The following PTDSS2 variants were observed in gnomAD, a reference collection of about 807,000 sequenced individuals.
PTDSS2 encodes the protein PSS-2.
In PTDSS2, 41 loss-of-function variants were observed where a neutral mutation model predicts 64.7. The observed-to-expected ratio is 0.63, with a 90% CI of 0.49 to 0.82. The LOEUF (loss-of-function observed/expected upper bound fraction) is 0.82. Among genes scored for constraint, PTDSS2 ranks in the 40% least tolerant of loss-of-function variants. PTDSS2 has a pLI of 0.00. For missense variants in PTDSS2, 485 were observed against 650.0 expected, an observed-to-expected ratio of 0.75 and a Z score of 2.76; for synonymous variants, 297 against 277.8, an observed-to-expected ratio of 1.07 and a Z score of -0.69.
chr11:472,810 C>G (rs1243255167), intron 2 of PTDSS2, among the ~76,000 whole-genome samples: 1 of 152,174 alleles, frequency 6.6e-6, no homozygotes, highest in Non-Finnish European at 1.5e-5. Context: ...TCTATTCTTG[C>G]GGCCACACGA....
At chr11:456,170 C>CATTT (rs1846584808) in intron 1 of PTDSS2, among the ~76,000 whole-genome samples, 1 of 114,894 alleles carries the variant, frequency 8.7e-6, no homozygotes, top group Non-Finnish European at 1.8e-5. Flanking sequence ...TTCTTTCATT[C>CATTT]TTTTTTTTTT....
intron 8 of PTDSS2, 36 bp downstream of exon 8, chr11:488,683 G>A: frequency 6.7e-7 from 1 of 1,481,702 alleles, no homozygotes; most frequent in Non-Finnish European, 9.4e-7. Flanking sequence ...GGGCCGGGTG[G>A]GGGTTACCTG....
chr11:468,836 AGGAGGGGAGTCTCTGAGAT>A (rs1203382548), intron 2 of PTDSS2, among the ~76,000 whole-genome samples: 65 of 114,142 alleles, frequency 5.7e-4, no homozygotes, highest in South Asian at 2.6e-3. Flanking sequence ...GGGTAATCGG[AGGAGGGGAGTCTCTGAGAT>A]GGAGGGGAGT....
rs151221782 is a variant in PTDSS2 at position 462,062 on chromosome 11, C to G, written c.284+1774C>G. 4.8e-4 allele frequency among the ~76,000 whole-genome samples: 73 copies of G among 152,302 alleles called. No homozygotes were observed. Among genetic ancestry groups the G allele is most frequent in the African/African-American group, 1.6e-3 (66 of 41,568 alleles). On this transcript the variant is annotated intron_variant, in intron 2 of 11. Transcript: ENST00000308020. This position sits in a 1 kb window ranked among gnomAD's most constrained non-coding sequence, Gnocchi z 4.5. ...GTCTCACCTCAAGTGTCCCACATGG[C>G]AAGAATTGTCAAGAGCAGGAGTGCA...
rs546638251 is a variant in PTDSS2, at chr11:490,978, C to G, written c.*396C>G. The G allele has an allele frequency of 9.5e-6, 2 of 210,314 alleles. No homozygotes were observed. Among genetic ancestry groups the G allele is most frequent in the African/African-American group, 4.7e-5 (2 of 42,886 alleles). 13.0% of individuals were successfully genotyped at this position (210,314 alleles called of 1,614,324 possible). On this transcript the variant is annotated 3_prime_UTR_variant, in exon 12 of 12. Coordinates refer to ENST00000308020, the MANE Select transcript of PTDSS2 (RefSeq NM_030783.3). Reference sequence around the variant, plus strand: ...CTTTCTGCCTGGTCAGCCCCGTGGCCTCTGGCCCACCAAGCTCCCTGTCAC... The same window carrying G: ...CTTTCTGCCTGGTCAGCCCCGTGGCGTCTGGCCCACCAAGCTCCCTGTCAC...
At chr11:451,693 G>A (rs1265956659) in intron 1 of PTDSS2, among the ~76,000 whole-genome samples, 1 of 152,196 alleles carries the variant, frequency 6.6e-6, no homozygotes, top group African/African-American at 2.4e-5. Flanking sequence ...GAGGAGTAAG[G>A]GACTTGTCAG....
rs1429568416 is a variant in PTDSS2, at chr11:470,868, G to A, written c.285-3027G>A. Among the ~76,000 whole-genome samples the A allele has an allele frequency of 6.6e-6, 1 of 152,178 alleles. No homozygotes were observed. The highest frequency in any genetic ancestry group is 1.5e-5 in the Non-Finnish European group (1 of 68,040). ...CTCCCAAAGTGCTGGGATTACAGGC[G>A]TGAGCCACCGCACCCAGCCAGCACC... is the stretch of plus-strand genomic sequence containing the variant. On this transcript the variant is annotated intron_variant, in intron 2 of 11. Coordinates refer to ENST00000308020, the MANE Select transcript of PTDSS2 (RefSeq NM_030783.3). The surrounding 1 kb of genome is among the most constrained non-coding windows in gnomAD (Gnocchi z 5.3).
At position 460,481 on chromosome 11, in the gene PTDSS2, G is replaced by A. The variant is rs575118620; in HGVS notation, c.284+193G>A. ...GCCCTTGGTGCTGCGTGGCGTTCCC[G>A]GTCAGCCCCCGTCGCCTGTCACTGG... is the stretch of plus-strand genomic sequence containing the variant. On this transcript the variant is annotated intron_variant, in intron 2 of 11. Coordinates refer to ENST00000308020, the MANE Select transcript of PTDSS2 (RefSeq NM_030783.3). The surrounding 1 kb of genome is among the most constrained non-coding windows in gnomAD (Gnocchi z 5.8). 48 of 565,106 alleles carry A rather than the reference G, an allele frequency of 8.5e-5. No individual in the cohort carries two copies. Among genetic ancestry groups the A allele is most frequent in the East Asian group, 5.3e-4 (18 of 34,248 alleles). The allele number at this position is 565,106 out of a possible 1,614,324, so 35.0% of individuals were successfully genotyped here. A position where few individuals can be genotyped will look rare whatever the true frequency, so the allele number is the denominator to read the frequency against.
intron 4 of PTDSS2, among the ~76,000 whole-genome samples, chr11:484,730 G>C (rs558616338): frequency 7.1e-6 from 1 of 140,936 alleles, no homozygotes; most frequent in Non-Finnish European, 1.5e-5. Context: ...GCACGGATGC[G>C]TGTGCTCACC....
At chr11:475,192 A>ATACGGCCATATTCACGCGTTTG (rs1847708726) in intron 3 of PTDSS2, among the ~76,000 whole-genome samples, 1 of 54,216 alleles carries the variant, frequency 1.8e-5, no homozygotes, top group Non-Finnish European at 3.5e-5. Context: ...TCACGCGTTT[A>ATACGGCCATATTCACGCGTTTG]TGATATGGAC....
rs977955034 is a variant in PTDSS2, at chr11:460,634, G to C, written c.284+346G>C. The C allele has an allele frequency of 4.4e-6, 1 of 228,300 alleles. No homozygotes were observed. Among genetic ancestry groups the C allele is most frequent in the Non-Finnish European group, 8.8e-6 (1 of 114,146 alleles). 14.1% of individuals were successfully genotyped at this position (228,300 alleles called of 1,614,324 possible). A position where few individuals can be genotyped will look rare whatever the true frequency, so the allele number is the denominator to read the frequency against. ...TGAGCCCTTGAGTTTGGGCGTCTCC[G>C]GGGGTGAGGTTCCTGCGGTGGCCGC... is the stretch of plus-strand genomic sequence containing the variant. On this transcript the variant is annotated intron_variant, in intron 2 of 11. Transcript: ENST00000308020. This position sits in a 1 kb window ranked among gnomAD's most constrained non-coding sequence, Gnocchi z 5.8.
chr11:468,797 GTC>G (rs778548724), intron 2 of PTDSS2, among the ~76,000 whole-genome samples: 2 of 150,720 alleles, frequency 1.3e-5, no homozygotes, highest in African/African-American at 4.9e-5. Flanking sequence ...GAGGAGGGGA[GTC>G]TCTGGGTAAT....
chr11:459,089 CGTG>C (rs1401311197), intron 1 of PTDSS2: 1 of 116,282 alleles, frequency 8.6e-6, no homozygotes, highest in African/African-American at 3.2e-5. Flanking sequence ...CTGGGTTAGA[CGTG>C]AGGGGACACT....
In PTDSS2 at chr11:460,339, G is replaced by T. The variant is rs369967031; in HGVS notation, c.284+51G>T. The T allele has an allele frequency of 4.7e-4, 707 of 1,498,444 alleles. 1 individual carries two copies. The highest frequency in any genetic ancestry group is 6.3e-4 in the Non-Finnish European group (677 of 1,078,124). The allele number at this position is 1,498,444 out of a possible 1,614,324, so 92.8% of individuals were successfully genotyped here. ...CTGAAACTGCCCTGTGCCCCGTGTGGTGGGTGTGGCACCCTTACTGCTCGG... is the reference window on the plus strand; with the variant it reads ...CTGAAACTGCCCTGTGCCCCGTGTGTTGGGTGTGGCACCCTTACTGCTCGG... On this transcript the variant is annotated intron_variant, in intron 2 of 11. Transcript: ENST00000308020. This position sits in a 1 kb window ranked among gnomAD's most constrained non-coding sequence, Gnocchi z 5.8.
In PTDSS2 at chr11:461,810, T is replaced by G. The variant is rs917084238; in HGVS notation, c.284+1522T>G. Among the ~76,000 whole-genome samples, 5 of 151,980 alleles carry G rather than the reference T, an allele frequency of 3.3e-5. No homozygotes were observed. The highest frequency in any genetic ancestry group is 1.2e-4 in the African/African-American group (5 of 41,380). On this transcript the variant is annotated intron_variant, in intron 2 of 11. Transcript: ENST00000308020. The surrounding 1 kb of genome is among the most constrained non-coding windows in gnomAD (Gnocchi z 4.2). The stretch of plus-strand genomic sequence containing the variant: ...TGTGTAACTAGGCTCCAGAAATAGA[T>G]GAGGGAGCATGTGCCGTGCCTGGGG...
intron 1 of PTDSS2, among the ~76,000 whole-genome samples, chr11:455,027 A>G (rs754326811): frequency 2.6e-5 from 4 of 151,034 alleles, no homozygotes; most frequent in Admixed American, 6.6e-5. Context: ...CTCCTCCTCC[A>G]GTGGGCCTGT....
In PTDSS2 at chr11:470,253, G is replaced by A. The variant is rs1057322656; in HGVS notation, c.285-3642G>A. On this transcript the variant is annotated intron_variant, in intron 2 of 11. Transcript: ENST00000308020. This position sits in a 1 kb window ranked among gnomAD's most constrained non-coding sequence, Gnocchi z 5.3. ...AGCATGCACTGGTCATGTTCATGGCGTGGCCGACGGGGAGGCTGCTGCCCC... is the reference window on the plus strand; with the variant it reads ...AGCATGCACTGGTCATGTTCATGGCATGGCCGACGGGGAGGCTGCTGCCCC... 1.3e-5 allele frequency among the ~76,000 whole-genome samples: 2 copies of A among 152,214 alleles called. No homozygotes were observed. Among genetic ancestry groups the A allele is most frequent in the African/African-American group, 4.8e-5 (2 of 41,446 alleles).
intron 2 of PTDSS2, among the ~76,000 whole-genome samples, chr11:466,032 A>T (rs35068485): frequency 0.098 from 14,965 of 152,230 alleles, 1,021 homozygotes; most frequent in Admixed American, 0.19. Context: ...CACCTATCTG[A>T]TAAAGTACTT....
In PTDSS2 at chr11:489,662, C is replaced by T. The variant is rs1032232755; in HGVS notation, c.1044C>T (p.Leu348=). 1.3e-6 allele frequency: 2 copies of T among 1,599,160 alleles called. No individual in the cohort carries two copies. The highest frequency in any genetic ancestry group is 1.7e-6 in the Non-Finnish European group (2 of 1,173,658). ...TGCCCCCGGAGCACTACCTGGTCCT[C>T]CTGCGGCTCGTCTTCTTCGTGAACG... ...LWMPPEHYLV[L]LRLVFFVNVG... The change falls in exon 10 of 12, where the codon CTC becomes CTT. Residue 348 remains leucine, a synonymous_variant. Transcript: ENST00000308020.
Sources: allele counts gnomAD v4.1 joint callset (sites outside exome capture counted in the v4.1 genomes callset), GRCh38; gene constraint gnomAD v4.1.1; non-coding constraint Gnocchi (gnomAD v3.1); transcripts MANE v1.5; gene names NCBI Gene and HGNC (gene_info 2026-07-23, HGNC 2026-07-21).